Variants in EEFSEC observed in about 807,000 individuals in gnomAD.
EEFSEC encodes the protein eukaryotic elongation factor, selenocysteine-tRNA specific.
EEFSEC carries 43 observed loss-of-function variants against 42.1 expected under a neutral mutation model. The observed-to-expected ratio is 1.02, with a 90% CI of 0.80 to 1.32. The LOEUF is 1.32. EEFSEC is among the 40% of genes most tolerant of loss of function. The pLI is 0.00. For synonymous variants in EEFSEC, 354 were observed against 339.1 expected (o/e 1.04, Z -0.48); for missense variants, 745 against 803.6 (o/e 0.93, Z 0.88).
In EEFSEC at chr3:128,176,619, G is replaced by GA. The variant is rs112994293; in HGVS notation, c.316+22803dup. 2.0e-4 allele frequency among the ~76,000 whole-genome samples: 30 copies of GA among 151,948 alleles called. 1 individual carries two copies. Among genetic ancestry groups the GA allele is most frequent in the Non-Finnish European group, 1.3e-4 (9 of 67,978 alleles). ...AATAATTTATGCATTAATACTAAAG[G>GA]AAAAAAATGCATAGAACAGCATAAA... On this transcript the variant is annotated intron_variant, in intron 1 of 6. Coordinates refer to ENST00000254730, the MANE Select transcript of EEFSEC (RefSeq NM_021937.5).
intron 1 of EEFSEC, among the ~76,000 whole-genome samples, chr3:128,159,625 T>G (rs555483408): frequency 6.6e-6 from 1 of 152,052 alleles, no homozygotes; most frequent in Non-Finnish European, 1.5e-5. Flanking sequence ...CCATCAACGA[T>G]CCCATCAACG....
In EEFSEC at chr3:128,173,509, G is replaced by A. The variant is rs138215222; in HGVS notation, c.316+19686G>A. 2.8e-3 allele frequency among the ~76,000 whole-genome samples: 434 copies of A among 152,348 alleles called. 2 individuals carry two copies. The highest frequency in any genetic ancestry group is 0.01 in the African/African-American group (416 of 41,590). On this transcript the variant is annotated intron_variant, in intron 1 of 6. Transcript: ENST00000254730. Reference sequence around the variant, plus strand: ...GGAGAGATATGATGGTGGAGATAGAGTGCATTCTGCAAGAAAATATTTCCA... The same window carrying A: ...GGAGAGATATGATGGTGGAGATAGAATGCATTCTGCAAGAAAATATTTCCA...
chr3:128,188,913 CA>C (rs2065491996), intron 1 of EEFSEC, among the ~76,000 whole-genome samples: 1 of 152,172 alleles, frequency 6.6e-6, no homozygotes, highest in Non-Finnish European at 1.5e-5. Context: ...CTATTGTGTG[CA>C]AAGGATGGTT....
intron 6 of EEFSEC, among the ~76,000 whole-genome samples, chr3:128,378,269 A>C (rs1200482534): frequency 6.6e-6 from 1 of 152,148 alleles, no homozygotes; most frequent in African/African-American, 2.4e-5. Flanking sequence ...TGAGTCACGA[A>C]CCCAGAGCCC....
intron 6 of EEFSEC, among the ~76,000 whole-genome samples, chr3:128,395,872 C>T (rs114927658): frequency 3.9e-5 from 6 of 152,336 alleles, no homozygotes; most frequent in African/African-American, 1.4e-4. Context: ...AGAGCCGGGC[C>T]ATGTGTCTTA....
At chr3:128,169,295 T>G (rs2065270968) in intron 1 of EEFSEC, among the ~76,000 whole-genome samples, 1 of 152,206 alleles carries the variant, frequency 6.6e-6, no homozygotes, top group East Asian at 1.9e-4. Context: ...ATGAGGGTCC[T>G]GAGGCTGGAC....
At chr3:128,419,892 A>T in the EEFSEC span, among the ~76,000 whole-genome samples, 1 of 152,150 alleles carries the variant, frequency 6.6e-6, no homozygotes, top group Non-Finnish European at 1.5e-5. Flanking sequence ...TGGGGTTCAG[A>T]CACCCCCATG....
intron 4 of EEFSEC, among the ~76,000 whole-genome samples, chr3:128,272,074 T>C (rs1420578371): frequency 1.3e-5 from 2 of 152,210 alleles, no homozygotes; most frequent in African/African-American, 4.8e-5. Flanking sequence ...TGGAGACGTC[T>C]GGATGTCATC....
At chr3:128,308,311 G>A (rs1486916314) in intron 4 of EEFSEC, among the ~76,000 whole-genome samples, 1 of 152,216 alleles carries the variant, frequency 6.6e-6, no homozygotes, top group Non-Finnish European at 1.5e-5. Context: ...GTCCTTCTTG[G>A]TGCCAGCTTA....
chr3:128,169,343 T>A (rs1275120707), intron 1 of EEFSEC, among the ~76,000 whole-genome samples: 1 of 152,204 alleles, frequency 6.6e-6, no homozygotes, highest in African/African-American at 2.4e-5. Flanking sequence ...GGGTATCAGC[T>A]GGTTTTCACA....
chr3:128,396,043 G>A (rs1239906712), intron 6 of EEFSEC, among the ~76,000 whole-genome samples: 2 of 152,232 alleles, frequency 1.3e-5, no homozygotes, highest in African/African-American at 2.4e-5. Flanking sequence ...CAGGTGTCAA[G>A]GCCTGCCTTC....
At chr3:128,267,828 AG>A (rs2066371028) in intron 4 of EEFSEC, among the ~76,000 whole-genome samples, 1 of 152,246 alleles carries the variant, frequency 6.6e-6, no homozygotes, top group African/African-American at 2.4e-5. Flanking sequence ...AGTTATGCGG[AG>A]AGCCGTCTTG....
chr3:128,341,154 T>C, intron 4 of EEFSEC, 79 bp from the exon 5 acceptor site: 1 of 1,506,628 alleles, frequency 6.6e-7, no homozygotes, highest in South Asian at 1.3e-5. Context: ...CACAGGATTC[T>C]CTAGCTGCAG....
chr3:128,396,544 C>T (rs1485819086), intron 6 of EEFSEC, among the ~76,000 whole-genome samples: 2 of 152,200 alleles, frequency 1.3e-5, no homozygotes, highest in African/African-American at 4.8e-5. Flanking sequence ...TCCCAAAGCC[C>T]CCATCCATGC....
chr3:128,217,797 A>G (rs1262703997), intron 1 of EEFSEC, among the ~76,000 whole-genome samples: 2 of 152,140 alleles, frequency 1.3e-5, no homozygotes, highest in Admixed American at 6.5e-5. Context: ...CCTCAGCATC[A>G]TGGGGAGTAG....
rs112384602 is a variant in EEFSEC, at chr3:128,154,511, A to G, written c.316+688A>G. ...GTCGCCCAGCCTGGAGTGCAGTGGC[A>G]CGATCTCGGCTCACTGCAACTTCCG... On this transcript the variant is annotated intron_variant, in intron 1 of 6. Coordinates refer to ENST00000254730, the MANE Select transcript of EEFSEC (RefSeq NM_021937.5). 0.032 allele frequency among the ~76,000 whole-genome samples: 4,833 copies of G among 150,932 alleles called. 433 individuals carry two copies. The East Asian group carries it at 0.36, about 11-fold the overall frequency.
chr3:128,358,300 C>G lies in EEFSEC; in HGVS notation c.1527C>G (p.His509Gln). 1 of 1,614,266 alleles carries G rather than the reference C, an allele frequency of 6.2e-7. No individual in the cohort carries two copies. The highest frequency in any genetic ancestry group is 1.1e-5 in the South Asian group (1 of 91,090). Reference sequence around the variant, plus strand: ...AGCTCTTCGTGGGGCTCAAGGTGCACTTGTCCACTGGGGAACTGGGCATCA... The same window carrying G: ...AGCTCTTCGTGGGGCTCAAGGTGCAGTTGTCCACTGGGGAACTGGGCATCA... ...NIQLFVGLKV[H>Q]LSTGELGIID... The change falls in exon 6 of 7, where the codon CAC (histidine) becomes CAG (glutamine). Residue 509 changes from histidine to glutamine, a missense_variant. Transcript: ENST00000254730.
At chr3:128,195,173 A>G (rs1045663371) in intron 1 of EEFSEC, among the ~76,000 whole-genome samples, 8 of 152,176 alleles carry the variant, frequency 5.3e-5, no homozygotes, top group Non-Finnish European at 8.8e-5. Flanking sequence ...TCATTTTCAA[A>G]TTTAGGGCCC....
intron 6 of EEFSEC, among the ~76,000 whole-genome samples, chr3:128,392,258 T>C (rs957914395): frequency 6.6e-6 from 1 of 152,180 alleles, no homozygotes; most frequent in Non-Finnish European, 1.5e-5. Flanking sequence ...AGATGCAGGT[T>C]CTGGAGCCAG....
Sources: gnomAD v4.1 joint callset for allele counts (sites outside exome capture counted in the v4.1 genomes callset) on GRCh38, gnomAD v4.1.1 for gene constraint, MANE v1.5 for transcripts, NCBI Gene and HGNC (gene_info 2026-07-23, HGNC 2026-07-21) for gene names.